Variants in ME3 observed in about 807,000 individuals in gnomAD.
The protein encoded by ME3 is malic enzyme 3, also known as NADP-dependent malic enzyme, mitochondrial.
Under a neutral mutation model 68.9 loss-of-function variants are expected in ME3, and 48 were observed. That is an observed-to-expected ratio of 0.70 (90% CI 0.55 to 0.89). ME3 has a LOEUF of 0.89. Ranked by LOEUF, ME3 falls within the 40% of genes least tolerant of loss-of-function variation. The pLI is 0.00. For synonymous variants in ME3, 320 were observed against 318.8 expected, an observed-to-expected ratio of 1.00 and a Z score of -0.04; for missense variants, 675 against 797.4, an observed-to-expected ratio of 0.85 and a Z score of 1.85.
chr11:86,533,746 T>C (rs749280421), intron 4 of ME3, among the ~76,000 whole-genome samples: 49 of 152,170 alleles, frequency 3.2e-4, no homozygotes, highest in Non-Finnish European at 6.5e-4. Flanking sequence ...TTCAACAAAA[T>C]ACAGTCACAG....
At chr11:86,584,140 T>C (rs1441972855) in intron 2 of ME3, among the ~76,000 whole-genome samples, 1 of 152,120 alleles carries the variant, frequency 6.6e-6, no homozygotes, top group African/African-American at 2.4e-5. Flanking sequence ...AATAACCTGA[T>C]TGTAAAATGG....
At chr11:86,439,572 A>C (rs1046897702), downstream of ME3, among the ~76,000 whole-genome samples, 4 of 152,262 alleles carry the variant, frequency 2.6e-5, no homozygotes, top group African/African-American at 9.6e-5. Context: ...AGGACTTCCC[A>C]GAAGGAGAGA....
chr11:86,532,100 T>C (rs1218340753), intron 4 of ME3, among the ~76,000 whole-genome samples: 1 of 151,918 alleles, frequency 6.6e-6, no homozygotes, highest in South Asian at 2.1e-4. Context: ...GTATAGATAT[T>C]AAATCAAAAA....
At chr11:86,544,587 C>T (rs1594380508) in intron 4 of ME3, among the ~76,000 whole-genome samples, 1 of 152,060 alleles carries the variant, frequency 6.6e-6, no homozygotes, top group African/African-American at 2.4e-5. Flanking sequence ...CACATACACC[C>T]TCCTCCCAAG....
chr11:86,447,141 C>T (rs15926), exon 12 of ME3: 22 of 1,614,030 alleles, frequency 1.4e-5, no homozygotes, highest in Admixed American at 8.3e-5. Flanking sequence ...GATGATAGGG[C>T]GCTCGTGGAA....
intron 13 of ME3, 115 bp from the exon 14 acceptor site, chr11:86,443,034 G>A: frequency 1.4e-6 from 1 of 700,440 alleles, no homozygotes; most frequent in Non-Finnish European, 2.4e-6. Flanking sequence ...AAACACTGCA[G>A]TTCCAACTGT....
intron 2 of ME3, among the ~76,000 whole-genome samples, chr11:86,647,853 C>T (rs1378237803): frequency 6.6e-6 from 1 of 152,158 alleles, no homozygotes. Flanking sequence ...ATCAACGAGA[C>T]ATAAAATCAA....
chr11:86,459,214 G>A (rs1265193751), intron 8 of ME3, among the ~76,000 whole-genome samples: 2 of 152,190 alleles, frequency 1.3e-5, no homozygotes, highest in African/African-American at 4.8e-5. Flanking sequence ...TCACAGAAGA[G>A]TGACTAATAC....
At chr11:86,659,678 G>A (rs374289378) in intron 2 of ME3, among the ~76,000 whole-genome samples, 2 of 152,154 alleles carry the variant, frequency 1.3e-5, no homozygotes, top group Admixed American at 6.5e-5. Flanking sequence ...CTAGCTGGGT[G>A]AAGTTGGCCC....
intron 2 of ME3, among the ~76,000 whole-genome samples, chr11:86,593,251 A>G (rs1427805241): frequency 6.8e-6 from 1 of 147,866 alleles, no homozygotes; most frequent in Non-Finnish European, 1.5e-5. Flanking sequence ...GGCACCGTAC[A>G]ACACGAAACT....
intron 2 of ME3, among the ~76,000 whole-genome samples, chr11:86,613,523 C>G (rs1942743537): frequency 6.6e-6 from 1 of 152,170 alleles, no homozygotes; most frequent in African/African-American, 2.4e-5. Context: ...GAGAGGAAGT[C>G]AAATTGTCTC....
At chr11:86,529,208 A>G (rs1264542505) in intron 4 of ME3, among the ~76,000 whole-genome samples, 3 of 152,232 alleles carry the variant, frequency 2.0e-5, no homozygotes, top group Admixed American at 6.5e-5. Flanking sequence ...ACAAACTACC[A>G]TCAGAGAATA....
At chr11:86,626,955 C>T (rs1019752269) in intron 2 of ME3, among the ~76,000 whole-genome samples, 9 of 151,968 alleles carry the variant, frequency 5.9e-5, no homozygotes, top group East Asian at 5.8e-4. Context: ...CCTTGGGATC[C>T]GAAGGAAGAG....
chr11:86,596,424 C>G (rs185000233), intron 2 of ME3, among the ~76,000 whole-genome samples: 2 of 152,306 alleles, frequency 1.3e-5, no homozygotes, highest in East Asian at 3.9e-4. Flanking sequence ...TCCCCTTCCT[C>G]TATTTTCAAA....
At chr11:86,589,377 G>C (rs74805839) in intron 2 of ME3, among the ~76,000 whole-genome samples, 3,948 of 151,488 alleles carry the variant, frequency 0.026, 157 homozygotes, top group African/African-American at 0.086. Context: ...GAAAGAGAGA[G>C]AATATATGAA....
chr11:86,465,104 A>T (rs1214005098), exon 8 of ME3: 2 of 1,612,642 alleles, frequency 1.2e-6, no homozygotes, highest in South Asian at 2.2e-5. Context: ...GGATGTCATC[A>T]TTGAACATGC....
intron 4 of ME3, among the ~76,000 whole-genome samples, chr11:86,531,139 A>G (rs900015555): frequency 6.6e-6 from 1 of 151,986 alleles, no homozygotes; most frequent in African/African-American, 2.4e-5. Context: ...AAAGAACTCA[A>G]ACAAATTTAC....
intron 2 of ME3, among the ~76,000 whole-genome samples, chr11:86,655,763 TA>T: frequency 6.6e-6 from 1 of 151,550 alleles, no homozygotes; most frequent in East Asian, 1.9e-4. Flanking sequence ...CTAATTAAAC[TA>T]AAGAGCTTCT....
chr11:86,452,652 G>A (rs1385009613), intron 8 of ME3, among the ~76,000 whole-genome samples: 1 of 152,166 alleles, frequency 6.6e-6, no homozygotes. Flanking sequence ...AACAAGGAAT[G>A]TAGCAGCCAG....
Sources: allele counts gnomAD v4.1 joint callset (sites outside exome capture counted in the v4.1 genomes callset), GRCh38; gene constraint gnomAD v4.1.1; transcripts MANE v1.5; gene names NCBI Gene and HGNC (gene_info 2026-07-23, HGNC 2026-07-21).